PDXDC1: variants seen among roughly 807,000 people sequenced by gnomAD.
PDXDC1 encodes the protein pyridoxal dependent decarboxylase domain containing 1, also known as pyridoxal-dependent decarboxylase domain-containing protein 1.
PDXDC1 carries 42 observed loss-of-function variants against 100.1 expected under a neutral mutation model. The ratio of observed to expected loss-of-function variants is 0.42; its 90% CI spans 0.33 to 0.54. The LOEUF is 0.54. PDXDC1 is among the 20% of genes least tolerant of loss of function. The probability of loss-of-function intolerance (pLI) is 0.10; values close to 1 mark genes in which losing one functional copy is unlikely to be tolerated. For missense variants in PDXDC1, 636 were observed against 979.2 expected (o/e 0.65, Z 4.68); for synonymous variants, 260 against 371.7 (o/e 0.70, Z 3.46).
chr16:14,984,434 TGA>T (rs144320095), intron 1 of PDXDC1, among the ~76,000 whole-genome samples: 77,990 of 104,788 alleles, frequency 0.74, 26,605 homozygotes, highest in Middle Eastern at 0.81. Context: ...CACATAAAAG[TGA>T]GAGAGAGAGA....
chr16:15,022,215 C>A (rs2042259644), intron 12 of PDXDC1, among the ~76,000 whole-genome samples: 1 of 152,410 alleles, frequency 6.6e-6, no homozygotes, highest in African/African-American at 2.4e-5. Context: ...ATGTGAGATA[C>A]ATACTATCCT....
At chr16:15,127,662 C>A (rs762505612) in intron 16 of PDXDC1, 1 of 1,294,764 alleles carries the variant, frequency 7.7e-7, no homozygotes, top group Admixed American at 2.0e-5. Context: ...CAGGAAGAGG[C>A]TGTCCCGACC....
At chr16:15,029,020 G>C (rs769262912) in intron 15 of PDXDC1, 54 bp downstream of exon 15, 17 of 1,572,726 alleles carry the variant, frequency 1.1e-5, no homozygotes, top group Non-Finnish European at 1.4e-5. Flanking sequence ...ATCACCATCC[G>C]ACCTGCTGGT....
Position 15,037,950 on chromosome 16 carries a change from A to C in PDXDC1, c.*1675A>C. 2 of 974,604 alleles carry C rather than the reference A, an allele frequency of 2.1e-6. No individual in the cohort carries two copies. Among genetic ancestry groups the C allele is most frequent in the Admixed American group, 4.3e-5 (2 of 46,264 alleles). The allele number at this position is 974,604 out of a possible 1,614,324, so 60.4% of individuals were successfully genotyped here. On this transcript the variant is annotated 3_prime_UTR_variant, in exon 23 of 23. Transcript: ENST00000396410. ...AGGAGGCCTAAGACCCAACAGATGT[A>C]GGATCCAGATCTGGATTCGTGCCAG...
downstream of PDXDC1, among the ~76,000 whole-genome samples, chr16:15,140,804 G>C (rs1278908762): frequency 6.6e-6 from 1 of 151,932 alleles, no homozygotes; most frequent in African/African-American, 2.4e-5. Flanking sequence ...CTGGTCCCAC[G>C]CACTCCCAGT....
At chr16:14,982,836 T>G (rs1287897450) in intron 1 of PDXDC1, among the ~76,000 whole-genome samples, 1 of 152,256 alleles carries the variant, frequency 6.6e-6, no homozygotes, top group Admixed American at 6.5e-5. Flanking sequence ...AGGCACTGTT[T>G]GTTTTCGCCT....
intron 16 of PDXDC1, among the ~76,000 whole-genome samples, chr16:15,046,325 G>A (rs937372190): frequency 6.6e-6 from 1 of 152,188 alleles, no homozygotes. Flanking sequence ...CTCAATGGCT[G>A]CCTTAGACTT....
intron 16 of PDXDC1, among the ~76,000 whole-genome samples, chr16:15,095,698 A>G (rs1234939533): frequency 6.6e-6 from 1 of 152,050 alleles, no homozygotes; most frequent in Non-Finnish European, 1.5e-5. Context: ...CTAAAAATAC[A>G]AAATTAGCCA....
intron 16 of PDXDC1, chr16:15,074,889 A>G (rs1238033396): frequency 1.3e-6 from 2 of 1,586,538 alleles, no homozygotes; most frequent in East Asian, 4.5e-5. Context: ...AAATACTAAC[A>G]TTAAAAAATT....
In PDXDC1 at chr16:15,089,195, G is replaced by A. The variant is rs1163990813; in HGVS notation, c.1400-49684G>A. ...TGGCACAGCTACTCGGGAGGCTGAG[G>A]TGGGAGGATGGCTTGAACCCAGGAG... On this transcript the variant is annotated intron_variant, in intron 16 of 16. Transcript: ENST00000535621. Among the ~76,000 whole-genome samples, 12 of 152,136 alleles carry A rather than the reference G, an allele frequency of 7.9e-5. No homozygotes were observed. In the South Asian group the frequency reaches 1.0e-3, roughly 13 times the overall value.
chr16:15,130,208 C>A (rs1394634363), intron 16 of PDXDC1: 3 of 1,550,050 alleles, frequency 1.9e-6, no homozygotes, highest in Non-Finnish European at 2.6e-6. Flanking sequence ...TCACAGGAAA[C>A]ACAAAGCGTA....
At chr16:15,061,882 A>G in intron 16 of PDXDC1, 1 of 1,612,786 alleles carries the variant, frequency 6.2e-7, no homozygotes, top group Non-Finnish European at 8.5e-7. Context: ...TCAGAAAGTC[A>G]TCATCTTCAT....
At chr16:14,996,346 A>C in intron 1 of PDXDC1, 2 of 443,406 alleles carry the variant, frequency 4.5e-6, no homozygotes, top group South Asian at 3.3e-5. Flanking sequence ...GGAAAAGGTA[A>C]ACACAGCTCT....
chr16:15,096,454 A>G (rs1242777118), intron 16 of PDXDC1, among the ~76,000 whole-genome samples: 2 of 152,200 alleles, frequency 1.3e-5, no homozygotes, highest in African/African-American at 2.4e-5. Flanking sequence ...GCAACAGTGT[A>G]AAATCAGTAA....
chr16:15,132,347 A>G (rs2048131646), intron 16 of PDXDC1, among the ~76,000 whole-genome samples: 1 of 15,754 alleles, frequency 6.3e-5, no homozygotes, highest in Non-Finnish European at 1.5e-4. Context: ...GGCAGGGGCT[A>G]GGGGAGGGGG....
intron 16 of PDXDC1, among the ~76,000 whole-genome samples, chr16:15,048,388 T>C (rs956582289): frequency 2.6e-5 from 4 of 152,154 alleles, no homozygotes; most frequent in African/African-American, 9.7e-5. Context: ...TTTTGTTTGT[T>C]TGTTTGTTTT....
chr16:15,131,126 C>T (rs748042197), intron 16 of PDXDC1: 3 of 1,605,320 alleles, frequency 1.9e-6, no homozygotes, highest in Admixed American at 1.7e-5. Context: ...TGCAGCACGG[C>T]CGCAGGGTTG....
At chr16:15,050,329 C>T (rs772497557) in intron 16 of PDXDC1, among the ~76,000 whole-genome samples, 4 of 152,178 alleles carry the variant, frequency 2.6e-5, no homozygotes, top group Admixed American at 2.6e-4. Context: ...GTCTAGACAA[C>T]GTATGTATGT....
rs1769562422 is a variant in PDXDC1 at position 15,015,477 on chromosome 16, A to G, written c.728-652A>G. Among the ~76,000 whole-genome samples the G allele has an allele frequency of 2.6e-5, 4 of 152,108 alleles. No homozygotes were observed. The South Asian group carries it at 8.3e-4, about 32-fold the overall frequency. On this transcript the variant is annotated intron_variant, in intron 8 of 22. Coordinates refer to ENST00000396410, the MANE Select transcript of PDXDC1 (RefSeq NM_015027.4). ...CATGCTTATAATCCCAGCACTTTGG[A>G]AGGCCGAGGCAGGTGGATCACGAGG...
Sources: allele counts gnomAD v4.1 joint callset (sites outside exome capture counted in the v4.1 genomes callset), GRCh38; gene constraint gnomAD v4.1.1; transcripts MANE v1.5; gene names NCBI Gene and HGNC (gene_info 2026-07-23, HGNC 2026-07-21).